The following RPS6KC1 variants were observed in gnomAD, a reference collection of about 807,000 sequenced individuals.
RPS6KC1 encodes the protein ribosomal protein S6 kinase C1.
Under a neutral mutation model 103.8 loss-of-function variants are expected in RPS6KC1, and 54 were observed. The ratio of observed to expected loss-of-function variants is 0.52; its 90% CI spans 0.42 to 0.65. The LOEUF is 0.65. Ranked by LOEUF, RPS6KC1 falls within the 30% of genes least tolerant of loss-of-function variation. The pLI is 0.00. For synonymous variants in RPS6KC1, 439 were observed against 438.7 expected (o/e 1.00, Z -0.01); for missense variants, 1,151 against 1,253.8 (o/e 0.92, Z 1.24).
the RPS6KC1 span, among the ~76,000 whole-genome samples, chr1:213,561,563 G>A: frequency 2.6e-4 from 39 of 152,300 alleles, no homozygotes; most frequent in Admixed American, 1.2e-3. Context: ...GTGCAGATGA[G>A]GGTACAGACA....
At chr1:213,341,333 GTA>G in the RPS6KC1 span, among the ~76,000 whole-genome samples, 1 of 152,200 alleles carries the variant, frequency 6.6e-6, no homozygotes, top group Admixed American at 6.5e-5. Context: ...GGATGACTGA[GTA>G]TGTTTATATT....
intron 2 of RPS6KC1, among the ~76,000 whole-genome samples, chr1:213,075,372 A>C (rs2079238759): frequency 6.6e-6 from 1 of 152,204 alleles, no homozygotes; most frequent in African/African-American, 2.4e-5. Context: ...AAAATATAAA[A>C]ATAACAATTT....
chr1:213,385,754 C>T, the RPS6KC1 span, among the ~76,000 whole-genome samples: 31 of 152,154 alleles, frequency 2.0e-4, no homozygotes, highest in Non-Finnish European at 3.5e-4. Context: ...GGGGAATTTT[C>T]CTGAGGCCTC....
Position 213,230,510 on chromosome 1 carries a change from T to A in RPS6KC1, c.1058T>A (p.Met353Lys). The change falls in exon 9 of 15, where the codon ATG (methionine) becomes AAG (lysine). Residue 353 changes from methionine (M) to lysine (K), a missense_variant. Met to Lys is a moderately conservative substitution (Grantham distance 95, BLOSUM62 -1). Around this residue, in one of 3 missense-constraint regions of RPS6KC1, gnomAD observed 959 missense variants for 1,006.3 expected, o/e 0.95. Coordinates refer to ENST00000366960, the MANE Select transcript of RPS6KC1 (RefSeq NM_012424.6). ...TCTTTTATGTAGGTTTTACTTGTAATGGACACAAGGACAGAACAGACTTTC... is the reference window on the plus strand; with the variant it reads ...TCTTTTATGTAGGTTTTACTTGTAAAGGACACAAGGACAGAACAGACTTTC... ...LGVIDKVLLV[M>K]DTRTEQTFIL... 1.2e-6 allele frequency: 2 copies of A among 1,605,414 alleles called. No homozygotes were observed. Among genetic ancestry groups the A allele is most frequent in the African/African-American group, 2.7e-5 (2 of 74,530 alleles).
the RPS6KC1 span, among the ~76,000 whole-genome samples, chr1:213,673,374 C>T: frequency 4.9e-3 from 750 of 152,292 alleles, 7 homozygotes; most frequent in African/African-American, 0.017. Context: ...GTTGGTAAAC[C>T]TAATCAGGGC....
At chr1:213,602,955 A>G in the RPS6KC1 span, among the ~76,000 whole-genome samples, 1 of 152,182 alleles carries the variant, frequency 6.6e-6, no homozygotes, top group East Asian at 1.9e-4. Context: ...TGCAGTGAGT[A>G]AAGATGATGT....
At chr1:213,735,974 G>A in the RPS6KC1 span, among the ~76,000 whole-genome samples, 2 of 152,154 alleles carry the variant, frequency 1.3e-5, no homozygotes, top group African/African-American at 2.4e-5. Context: ...TGGCCCCGAT[G>A]CAGAGAATCA....
the RPS6KC1 span, among the ~76,000 whole-genome samples, chr1:213,317,913 C>G: frequency 6.6e-6 from 1 of 152,238 alleles, no homozygotes; most frequent in Non-Finnish European, 1.5e-5. Flanking sequence ...AGGAAACAGT[C>G]ACCTGCATCC....
At chr1:213,680,524 A>G in the RPS6KC1 span, among the ~76,000 whole-genome samples, 33 of 152,204 alleles carry the variant, frequency 2.2e-4, no homozygotes, top group East Asian at 9.6e-4. Context: ...TGATCAATGA[A>G]TAAATGAAGT....
chr1:213,194,973 C>G (rs561327776), intron 8 of RPS6KC1, among the ~76,000 whole-genome samples: 1 of 152,226 alleles, frequency 6.6e-6, no homozygotes, highest in East Asian at 1.9e-4. Flanking sequence ...AAATGGAGAA[C>G]AGATCTATGG....
intron 8 of RPS6KC1, among the ~76,000 whole-genome samples, chr1:213,207,697 ACT>A (rs1391962098): frequency 6.6e-6 from 1 of 151,782 alleles, no homozygotes; most frequent in Non-Finnish European, 1.5e-5. Flanking sequence ...GTTTTGAGAC[ACT>A]GTGTCACTCT....
the RPS6KC1 span, among the ~76,000 whole-genome samples, chr1:213,374,316 A>G: frequency 6.6e-6 from 1 of 152,250 alleles, no homozygotes; most frequent in African/African-American, 2.4e-5. Context: ...CCTCCACTAA[A>G]GCAAACTGAT....
chr1:213,152,337 C>A (rs1282878811), intron 6 of RPS6KC1, among the ~76,000 whole-genome samples: 3 of 145,902 alleles, frequency 2.1e-5, no homozygotes, highest in Non-Finnish European at 4.6e-5. Flanking sequence ...GCTGACCCCC[C>A]CCACCTCCCT....
At chr1:213,819,730 C>T in the RPS6KC1 span, 4 of 152,176 alleles carry the variant, frequency 2.6e-5, no homozygotes, top group East Asian at 1.9e-4. Flanking sequence ...CTTATTAGCA[C>T]GACAGCTGCT....
downstream of RPS6KC1, among the ~76,000 whole-genome samples, chr1:213,278,540 G>GA (rs1345130824): frequency 6.6e-6 from 1 of 152,170 alleles, no homozygotes; most frequent in Non-Finnish European, 1.5e-5. Context: ...GATTCTAAAT[G>GA]ACTAAGAAAA....
At chr1:213,531,168 C>T in the RPS6KC1 span, among the ~76,000 whole-genome samples, 1 of 152,216 alleles carries the variant, frequency 6.6e-6, no homozygotes, top group South Asian at 2.1e-4. Context: ...AAAGGGAACC[C>T]CGGTTCCCTC....
the RPS6KC1 span, among the ~76,000 whole-genome samples, chr1:213,585,816 A>G: frequency 2.0e-5 from 3 of 152,174 alleles, no homozygotes; most frequent in South Asian, 6.3e-4. Flanking sequence ...AACACATGGC[A>G]TGGTATGGCA....
chr1:213,680,704 C>G, the RPS6KC1 span, among the ~76,000 whole-genome samples: 218 of 152,200 alleles, frequency 1.4e-3, 3 homozygotes, highest in African/African-American at 5.1e-3. Flanking sequence ...AGATTTTGGA[C>G]TGAATATATC....
the RPS6KC1 span, among the ~76,000 whole-genome samples, chr1:213,609,216 A>C: frequency 2.0e-5 from 3 of 152,218 alleles, no homozygotes; most frequent in African/African-American, 4.8e-5. Context: ...CTGCAAACAA[A>C]TTGTTAAATG....
Sources: gnomAD v4.1 joint callset for allele counts (sites outside exome capture counted in the v4.1 genomes callset) on GRCh38, gnomAD v4.1.1 for gene constraint, gnomAD v4.1.1 regional missense constraint, MANE v1.5 for transcripts, NCBI Gene and HGNC (gene_info 2026-07-23, HGNC 2026-07-21) for gene names.